The following CUEDC1 variants were observed in gnomAD, a reference collection of about 807,000 sequenced individuals.
CUEDC1 encodes the protein CUE domain containing 1.
In CUEDC1, 30 loss-of-function variants were observed where a neutral mutation model predicts 43.7. The ratio of observed to expected loss-of-function variants is 0.69; its 90% confidence interval spans 0.51 to 0.93. The LOEUF (loss-of-function observed/expected upper bound fraction) is 0.93. Ranked by LOEUF, CUEDC1 falls within the 40% of genes least tolerant of loss-of-function variation. The probability of loss-of-function intolerance (pLI) is 0.00; values close to 1 mark genes in which losing one functional copy is unlikely to be tolerated. For synonymous variants in CUEDC1, 223 were observed against 223.6 expected, an observed-to-expected ratio of 1.00 and a Z score of 0.02; for missense variants, 486 against 549.0, an observed-to-expected ratio of 0.89 and a Z score of 1.15.
chr17:57,922,744 C>T (rs1242030728), intron 1 of CUEDC1, among the ~76,000 whole-genome samples: 1 of 152,182 alleles, frequency 6.6e-6, no homozygotes, highest in Non-Finnish European at 1.5e-5. Context: ...TCCTACATAG[C>T]AGGAGCTCAA....
intron 9 of CUEDC1, 42 bp from the exon 10 acceptor site, chr17:57,866,586 GGCCTC>G (rs779905190): frequency 6.2e-7 from 1 of 1,606,020 alleles, no homozygotes; most frequent in Non-Finnish European, 8.5e-7. Flanking sequence ...TACCCTGCAG[GGCCTC>G]GCTCAGGCAC....
intron 1 of CUEDC1, among the ~76,000 whole-genome samples, chr17:57,941,123 A>G (rs2074913612): frequency 6.6e-6 from 1 of 152,232 alleles, no homozygotes; most frequent in South Asian, 2.1e-4. Context: ...GGAGTCATCA[A>G]GAGAGCAGGT....
chr17:57,906,608 GT>G (rs1174951378), intron 1 of CUEDC1, among the ~76,000 whole-genome samples: 1 of 152,160 alleles, frequency 6.6e-6, no homozygotes, highest in Non-Finnish European at 1.5e-5. Context: ...GGTTAAAATG[GT>G]AAGTTTTATA....
chr17:57,877,421 G>A (rs1037688997), intron 3 of CUEDC1, among the ~76,000 whole-genome samples: 3 of 152,064 alleles, frequency 2.0e-5, no homozygotes, highest in African/African-American at 7.2e-5. Flanking sequence ...CTAGAGCCCA[G>A]GAGTTCAAAT....
chr17:57,911,417 G>C (rs1023762060), intron 1 of CUEDC1, among the ~76,000 whole-genome samples: 1 of 152,166 alleles, frequency 6.6e-6, no homozygotes, highest in Non-Finnish European at 1.5e-5. Flanking sequence ...ATCACTTAGC[G>C]GCCATAATCA....
intron 1 of CUEDC1, among the ~76,000 whole-genome samples, chr17:57,895,655 G>C (rs760698588): frequency 3.6e-4 from 55 of 152,304 alleles, no homozygotes; most frequent in Non-Finnish European, 6.0e-4. Context: ...TCAGGTGCCT[G>C]GGAGGAGATC....
intron 9 of CUEDC1, 81 bp from the exon 10 acceptor site, chr17:57,866,625 C>A: frequency 7.3e-7 from 1 of 1,365,708 alleles, no homozygotes; most frequent in Non-Finnish European, 1.0e-6. Context: ...GGCAAGAGAG[C>A]TGACCCGACT....
At chr17:57,913,219 T>C (rs896421903) in intron 1 of CUEDC1, among the ~76,000 whole-genome samples, 3 of 151,938 alleles carry the variant, frequency 2.0e-5, no homozygotes, top group African/African-American at 7.3e-5. Context: ...TCCCAACTAC[T>C]TGGGAGGCTG....
At chr17:57,892,542 C>T (rs2074366155) in intron 1 of CUEDC1, 1 of 152,422 alleles carries the variant, frequency 6.6e-6, no homozygotes, top group African/African-American at 2.4e-5. Flanking sequence ...CTCTGAAAAT[C>T]ACCAAGGAGC....
chr17:57,866,898 G>A (rs981948213), intron 9 of CUEDC1: 4 of 354,292 alleles, frequency 1.1e-5, no homozygotes, highest in African/African-American at 6.2e-5. Context: ...AATGTGGCAT[G>A]AGGATCAGGG....
intron 1 of CUEDC1, among the ~76,000 whole-genome samples, chr17:57,919,377 A>C (rs1273377909): frequency 3.3e-5 from 5 of 150,340 alleles, no homozygotes; most frequent in Non-Finnish European, 7.4e-5. Context: ...ACAGGGATTC[A>C]CCAAGTTGGC....
chr17:57,887,705 A>G (rs2144973657), intron 1 of CUEDC1, among the ~76,000 whole-genome samples: 1 of 96,414 alleles, frequency 1.0e-5, no homozygotes, highest in South Asian at 3.7e-4. Flanking sequence ...GGGTTTTGCC[A>G]TGTTGGTCAG....
intron 1 of CUEDC1, among the ~76,000 whole-genome samples, chr17:57,942,309 T>C (rs1410201662): frequency 6.6e-6 from 1 of 152,214 alleles, no homozygotes; most frequent in East Asian, 1.9e-4. Flanking sequence ...GCCACCTTCA[T>C]GGGGTGCGAA....
intron 2 of CUEDC1, 67 bp downstream of exon 2, chr17:57,885,162 G>C: frequency 1.3e-6 from 2 of 1,484,574 alleles, no homozygotes; most frequent in Non-Finnish European, 9.0e-7. Flanking sequence ...TACCCGGGCC[G>C]TGCCCCTACC....
intron 1 of CUEDC1, among the ~76,000 whole-genome samples, chr17:57,901,898 G>A (rs1346997441): frequency 6.6e-6 from 1 of 152,226 alleles, no homozygotes; most frequent in African/African-American, 2.4e-5. Flanking sequence ...CACTGGCCGG[G>A]CATGGTGGCT....
At chr17:57,893,988 G>T (rs759682644) in intron 1 of CUEDC1, among the ~76,000 whole-genome samples, 1 of 152,164 alleles carries the variant, frequency 6.6e-6, no homozygotes, top group Non-Finnish European at 1.5e-5. Flanking sequence ...CAGCTACTCG[G>T]GAGGCTGAGG....
At position 57,871,169 on chromosome 17, in the gene CUEDC1, G is replaced by A. The variant is rs747055612; in HGVS notation, c.868+117C>T. ...CCGCCAGCCTGCTGAGGAGGCCCAG[G>A]CCCCCTCCCACAATCTGTTTTTTCA... On this transcript the variant is annotated intron_variant, in intron 6 of 10. Transcript: ENST00000577830. The A allele has an allele frequency of 3.7e-6, 3 of 820,770 alleles. No homozygotes were observed. In the South Asian group the frequency reaches 4.3e-5, roughly 12 times the overall value. 50.8% of individuals were successfully genotyped at this position (820,770 alleles called of 1,614,324 possible).
chr17:57,871,964 G>A (rs1051800755), intron 5 of CUEDC1, among the ~76,000 whole-genome samples: 5 of 152,318 alleles, frequency 3.3e-5, no homozygotes, highest in Non-Finnish European at 5.9e-5. Flanking sequence ...GAGGCTTCTA[G>A]CACCTTTGCT....
At chr17:57,893,668 C>A (rs781344173) in intron 1 of CUEDC1, among the ~76,000 whole-genome samples, 41 of 152,198 alleles carry the variant, frequency 2.7e-4, no homozygotes, top group Non-Finnish European at 4.6e-4. Context: ...TCGGGCACAG[C>A]CATTGGAGAA....
Sources: gnomAD v4.1 joint callset for allele counts (sites outside exome capture counted in the v4.1 genomes callset) on GRCh38, gnomAD v4.1.1 for gene constraint, MANE v1.5 for transcripts, NCBI Gene and HGNC (gene_info 2026-07-23, HGNC 2026-07-21) for gene names.